COG6: variants seen among roughly 807,000 people sequenced by gnomAD.
COG6 encodes component of oligomeric golgi complex 6.
A neutral mutation model predicts 88.8 loss-of-function variants in COG6; 74 were observed. The observed-to-expected ratio is 0.83, with a 90% confidence interval of 0.69 to 1.01. The LOEUF is 1.01. Ranked by LOEUF, COG6 falls within the 50% of genes least tolerant of loss-of-function variation. The pLI, the probability that COG6 is intolerant of heterozygous loss-of-function variation, is 0.00. For synonymous variants in COG6, 286 were observed against 278.7 expected, an observed-to-expected ratio of 1.03 and a Z score of -0.26; for missense variants, 800 against 797.9, an observed-to-expected ratio of 1.00 and a Z score of -0.03.
chr13:39,777,503 G>A (rs866973393), intron 18 of COG6, among the ~76,000 whole-genome samples: 1 of 152,160 alleles, frequency 6.6e-6, no homozygotes, highest in African/African-American at 2.4e-5. Context: ...GGTAGGCCAG[G>A]AGAAGAAACC....
At chr13:39,777,289 C>A (rs906568616) in intron 18 of COG6, among the ~76,000 whole-genome samples, 1 of 152,112 alleles carries the variant, frequency 6.6e-6, no homozygotes, top group Non-Finnish European at 1.5e-5. Context: ...TCCACTCCAG[C>A]AGTGAAGAGC....
intron 18 of COG6, among the ~76,000 whole-genome samples, chr13:39,731,819 T>C (rs1352514850): frequency 6.6e-6 from 1 of 151,948 alleles, no homozygotes; most frequent in Non-Finnish European, 1.5e-5. Flanking sequence ...TAAAGCAAGT[T>C]TGGGGTAAAA....
At chr13:39,749,553 A>G (rs1270059114) in intron 18 of COG6, among the ~76,000 whole-genome samples, 1 of 152,236 alleles carries the variant, frequency 6.6e-6, no homozygotes, top group East Asian at 1.9e-4. Context: ...GGTAAAAGCT[A>G]TATGAAAGGA....
intron 16 of COG6, among the ~76,000 whole-genome samples, 168 bp from the exon 17 acceptor site, chr13:39,724,340 C>T (rs1185247944): frequency 6.6e-6 from 1 of 152,010 alleles, no homozygotes; most frequent in African/African-American, 2.4e-5. Flanking sequence ...ATCATAGTCC[C>T]TGATCTTATT....
intron 8 of COG6, among the ~76,000 whole-genome samples, chr13:39,686,271 TTTTG>T (rs1389206086): frequency 3.9e-5 from 6 of 152,186 alleles, no homozygotes; most frequent in Non-Finnish European, 4.4e-5. Flanking sequence ...CTAAAATATA[TTTTG>T]TTTTTCTTTA....
At position 39,699,477 on chromosome 13, in the gene COG6, A is replaced by G. The variant is rs730882236; in HGVS notation, c.1167-24A>G. The G allele has an allele frequency of 1.7e-6, 2 of 1,152,164 alleles. No individual in the cohort carries two copies. The highest frequency in any genetic ancestry group is 4.0e-4 in the Middle Eastern group (2 of 4,984). 71.4% of individuals were successfully genotyped at this position (1,152,164 alleles called of 1,614,324 possible). On this transcript the variant is annotated intron_variant, in intron 12 of 18. Coordinates refer to ENST00000455146, the MANE Select transcript of COG6 (RefSeq NM_020751.3). ...GTTTTGTTTCAGTTTCTGTTTTGCAACCTGAAATATTCTTTGCTTTTAGTG... is the reference window on the plus strand; with the variant it reads ...GTTTTGTTTCAGTTTCTGTTTTGCAGCCTGAAATATTCTTTGCTTTTAGTG...
intron 18 of COG6, among the ~76,000 whole-genome samples, chr13:39,736,650 C>T (rs564814888): frequency 4.6e-5 from 7 of 152,328 alleles, no homozygotes; most frequent in Admixed American, 6.5e-5. Context: ...GAGATCGTGC[C>T]ATTGCACTCC....
intron 18 of COG6, among the ~76,000 whole-genome samples, chr13:39,775,026 C>T (rs1881423886): frequency 6.6e-6 from 1 of 152,116 alleles, no homozygotes; most frequent in Admixed American, 6.5e-5. Context: ...GAAATATCAA[C>T]ACTCAGGCAG....
chr13:39,702,946 A>G (rs1459277638), intron 13 of COG6, among the ~76,000 whole-genome samples: 2 of 152,248 alleles, frequency 1.3e-5, no homozygotes, highest in South Asian at 2.1e-4. Context: ...CTGCTGGCCT[A>G]TATTCCATCA....
chr13:39,741,260 A>G (rs1372553981), intron 18 of COG6, among the ~76,000 whole-genome samples: 4 of 152,206 alleles, frequency 2.6e-5, no homozygotes, highest in African/African-American at 4.8e-5. Flanking sequence ...AATGACTTTG[A>G]CAAGCTGACA....
At position 39,772,807 on chromosome 13, in the gene COG6, A is replaced by G. The variant is rs527713351; in HGVS notation, c.1827-15528A>G. Reference sequence around the variant, plus strand: ...ACCTTGGGCTCTCCTGCCCCCATTGAGGAACTGAAGGCTTTTACAGAGCCT... The same window carrying G: ...ACCTTGGGCTCTCCTGCCCCCATTGGGGAACTGAAGGCTTTTACAGAGCCT... On this transcript the variant is annotated intron_variant, in intron 18 of 18. Transcript: ENST00000416691. Among the ~76,000 whole-genome samples, 3 of 152,348 alleles carry G rather than the reference A, an allele frequency of 2.0e-5. No individual in the cohort carries two copies. The South Asian group carries it at 6.2e-4, about 32-fold the overall frequency.
chr13:39,682,027 T>A (rs1876342683), intron 7 of COG6, 144 bp from the exon 8 acceptor site: 2 of 639,028 alleles, frequency 3.1e-6, no homozygotes, highest in East Asian at 5.6e-5. Context: ...ATAAATTCAT[T>A]TTTGATTGGT....
intron 8 of COG6, 36 bp downstream of exon 8, chr13:39,682,300 A>G (rs779145993): frequency 7.8e-7 from 1 of 1,279,608 alleles, no homozygotes; most frequent in Non-Finnish European, 1.1e-6. Context: ...ATGAAAGCCT[A>G]CTTTTCTTTT....
At position 39,736,339 on chromosome 13, in the gene COG6, G is replaced by A. The variant is rs114368123; in HGVS notation, c.1826+8791G>A. Among the ~76,000 whole-genome samples the A allele has an allele frequency of 2.1e-3, 314 of 151,974 alleles. 1 individual carries two copies. The highest frequency in any genetic ancestry group is 7.7e-3 in the South Asian group (37 of 4,804). ...CATGTCACTTGTATTTTTCAGCTTC[G>A]GACTTTCTGCCTGATTCTTTTTGAC... On this transcript the variant is annotated intron_variant, in intron 18 of 18. Transcript: ENST00000455146.
In COG6 at chr13:39,751,315, A is replaced by T. The variant is rs1880618942; in HGVS notation, c.*222A>T. The T allele has an allele frequency of 6.7e-7, 1 of 1,484,960 alleles. No individual in the cohort carries two copies. The highest frequency in any genetic ancestry group is 2.0e-5 in the Admixed American group (1 of 49,588). The allele number at this position is 1,484,960 out of a possible 1,614,324, so 92.0% of individuals were successfully genotyped here. On this transcript the variant is annotated 3_prime_UTR_variant, in exon 19 of 19. Coordinates refer to ENST00000455146, the MANE Select transcript of COG6 (RefSeq NM_020751.3). Reference sequence around the variant, plus strand: ...CTGTGTATCTACTCTAAATGAGATGATCTATTTTTTTGCTAGCCATCTCTC... The same window carrying T: ...CTGTGTATCTACTCTAAATGAGATGTTCTATTTTTTTGCTAGCCATCTCTC...
intron 18 of COG6, among the ~76,000 whole-genome samples, chr13:39,745,016 A>C (rs1263105178): frequency 6.6e-6 from 1 of 152,276 alleles, no homozygotes; most frequent in Non-Finnish European, 1.5e-5. Context: ...AATAAATGGT[A>C]CTGGGAAAAC....
chr13:39,721,226 A>T (rs9603601), intron 15 of COG6, among the ~76,000 whole-genome samples: 8 of 152,080 alleles, frequency 5.3e-5, no homozygotes, highest in Non-Finnish European at 1.5e-5. Context: ...TATGTGTTCC[A>T]TAGCTATTTT....
chr13:39,700,429 T>C (rs1040966008), intron 13 of COG6, among the ~76,000 whole-genome samples: 9 of 151,928 alleles, frequency 5.9e-5, no homozygotes, highest in Non-Finnish European at 8.8e-5. Context: ...CTGACCCACA[T>C]GCATGACTCA....
rs1189672012 is a variant in COG6 at position 39,665,144 on chromosome 13, C to A, written c.418C>A (p.Gln140Lys). 3 of 1,536,274 alleles carry A rather than the reference C, an allele frequency of 2.0e-6. No individual in the cohort carries two copies. The highest frequency in any genetic ancestry group is 2.7e-6 in the Non-Finnish European group (3 of 1,110,182). ...TTTAATAGTAAAAACCACTAAGCTT[C>A]AATCTGAAAGGTAAGTTTTTCTTCA... is the stretch of plus-strand genomic sequence containing the variant. Reference protein sequence around the residue: ...QDLIVKTTKLQSESQKLEIRA... With the variant: ...QDLIVKTTKLKSESQKLEIRA... Residue 140 changes from glutamine (Q) to lysine (K), a missense_variant, in exon 4 of 19, where the codon CAA becomes AAA. Transcript: ENST00000455146.
Sources: gnomAD v4.1 joint callset for allele counts (sites outside exome capture counted in the v4.1 genomes callset) on GRCh38, gnomAD v4.1.1 for gene constraint, MANE v1.5 for transcripts, NCBI Gene and HGNC (gene_info 2026-07-23, HGNC 2026-07-21) for gene names.